KANSL1L: variants seen among roughly 807,000 people sequenced by gnomAD.
KANSL1L encodes the protein KAT8 regulatory NSL complex subunit 1 like.
In KANSL1L, 25 loss-of-function variants were observed where a neutral mutation model predicts 108.6. The ratio of observed to expected loss-of-function variants is 0.23; its 90% CI spans 0.17 to 0.32. The LOEUF (loss-of-function observed/expected upper bound fraction) is 0.32, where lower values mean the gene tolerates loss of function less well. Among genes scored for constraint, KANSL1L ranks in the 10% least tolerant of loss-of-function variants. The probability of loss-of-function intolerance (pLI) is 1.00; values close to 1 mark genes in which losing one functional copy is unlikely to be tolerated. For synonymous variants in KANSL1L, 405 were observed against 395.1 expected, an observed-to-expected ratio of 1.03 and a Z score of -0.30; for missense variants, 1,137 against 1,125.7, an observed-to-expected ratio of 1.01 and a Z score of -0.14.
chr2:210,117,136 G>A (rs2094962310), intron 3 of KANSL1L, among the ~76,000 whole-genome samples: 1 of 152,042 alleles, frequency 6.6e-6, no homozygotes, highest in Non-Finnish European at 1.5e-5. Flanking sequence ...TTAACAGCAG[G>A]ATTAATCAAA....
chr2:210,136,409 T>C (rs1015275894), intron 2 of KANSL1L, among the ~76,000 whole-genome samples: 1 of 152,212 alleles, frequency 6.6e-6, no homozygotes, highest in Non-Finnish European at 1.5e-5. Flanking sequence ...TAGTCTTAAA[T>C]ATGTTTGTAA....
chr2:210,061,024 C>A (rs2094414140), intron 6 of KANSL1L, among the ~76,000 whole-genome samples: 1 of 152,206 alleles, frequency 6.6e-6, no homozygotes, highest in South Asian at 2.1e-4. Context: ...AAATAAAACT[C>A]TGGGCTTTTC....
intron 6 of KANSL1L, among the ~76,000 whole-genome samples, chr2:210,059,195 CCTT>C (rs2094393234): frequency 1.3e-5 from 2 of 151,844 alleles, no homozygotes; most frequent in African/African-American, 4.8e-5. Context: ...GTAACTTCCT[CCTT>C]GTCATATTGG....
chr2:210,165,068 T>C (rs1328781485), intron 1 of KANSL1L, among the ~76,000 whole-genome samples: 2 of 151,716 alleles, frequency 1.3e-5, no homozygotes, highest in Non-Finnish European at 2.9e-5. Flanking sequence ...GGTTTCACCA[T>C]GTTGGCCAGG....
In KANSL1L at chr2:210,085,908, G is replaced by A. The variant is rs368543103; in HGVS notation, c.1551-10152C>T. On this transcript the variant is annotated intron_variant, in intron 5 of 14. Transcript: ENST00000281772. Reference sequence around the variant, plus strand: ...AAAGTAAACTATGTATATATTTATTGTAATTAAATATTTATTAATAATTAT... The same window carrying A: ...AAAGTAAACTATGTATATATTTATTATAATTAAATATTTATTAATAATTAT... Among the ~76,000 whole-genome samples, 58 of 149,418 alleles carry A rather than the reference G, an allele frequency of 3.9e-4. 3 individuals carry two copies. The East Asian group carries it at 0.01, about 26-fold the overall frequency.
chr2:210,127,639 A>T lies in KANSL1L; in HGVS notation c.1230+1392T>A, dbSNP rs115969092. 1.0e-2 allele frequency among the ~76,000 whole-genome samples: 1,514 copies of T among 151,918 alleles called. 11 individuals carry two copies. The highest frequency in any genetic ancestry group is 0.016 in the Non-Finnish European group (1,117 of 67,948). On this transcript the variant is annotated intron_variant, in intron 3 of 14. Transcript: ENST00000281772. Reference sequence around the variant, plus strand: ...TAGAGGGAGATCCCATCTCTACAAAAAATCAAAAACTTAGCCAGGCATGGT... The same window carrying T: ...TAGAGGGAGATCCCATCTCTACAAATAATCAAAAACTTAGCCAGGCATGGT...
chr2:210,111,890 C>G (rs534738281), intron 3 of KANSL1L, among the ~76,000 whole-genome samples: 8 of 138,548 alleles, frequency 5.8e-5, no homozygotes, highest in African/African-American at 1.6e-4. Flanking sequence ...CCCCTCCCCC[C>G]ACCCCACAAC....
intron 3 of KANSL1L, among the ~76,000 whole-genome samples, chr2:210,117,766 TAA>T (rs2094968537): frequency 1.3e-5 from 2 of 152,296 alleles, no homozygotes; most frequent in South Asian, 4.1e-4. Flanking sequence ...CAAAGGATTA[TAA>T]GAGACTATTA....
At chr2:210,091,797 A>C (rs1421566797) in intron 5 of KANSL1L, among the ~76,000 whole-genome samples, 1 of 152,016 alleles carries the variant, frequency 6.6e-6, no homozygotes, top group Admixed American at 6.6e-5. Context: ...TCTTCATCCC[A>C]ATTTTCCATC....
intron 1 of KANSL1L, among the ~76,000 whole-genome samples, chr2:210,158,761 A>T (rs924284454): frequency 3.9e-5 from 6 of 152,000 alleles, no homozygotes; most frequent in Non-Finnish European, 1.5e-5. Context: ...AAAGAAACTA[A>T]TGAAAATAGC....
intron 2 of KANSL1L, among the ~76,000 whole-genome samples, chr2:210,132,785 T>C (rs1362245214): frequency 6.6e-6 from 1 of 152,170 alleles, no homozygotes; most frequent in African/African-American, 2.4e-5. Flanking sequence ...TGTTCTCTTG[T>C]CATATTTGGT....
chr2:210,047,238 A>G (rs982570054), intron 6 of KANSL1L, among the ~76,000 whole-genome samples: 1 of 152,214 alleles, frequency 6.6e-6, no homozygotes, highest in African/African-American at 2.4e-5. Context: ...TACAATATGA[A>G]TAGGCTAAGA....
At chr2:210,151,562 G>A (rs1315903518) in intron 2 of KANSL1L, 4 of 152,052 alleles carry the variant, frequency 2.6e-5, no homozygotes, top group Admixed American at 6.5e-5. Flanking sequence ...AAGAGAATAA[G>A]TATGTGTTTA....
intron 6 of KANSL1L, among the ~76,000 whole-genome samples, chr2:210,054,957 A>G (rs1485659162): frequency 6.6e-6 from 1 of 152,252 alleles, no homozygotes; most frequent in Non-Finnish European, 1.5e-5. Context: ...GTAGAGTACA[A>G]AATCAGTAGT....
intron 5 of KANSL1L, among the ~76,000 whole-genome samples, chr2:210,092,794 C>G (rs1575515178): frequency 6.6e-6 from 1 of 152,196 alleles, no homozygotes; most frequent in Non-Finnish European, 1.5e-5. Flanking sequence ...CAGAGGAAAT[C>G]TGCATTTGCC....
chr2:210,154,374 G>A lies in KANSL1L; in HGVS notation c.209C>T (p.Ser70Phe), dbSNP rs201038662. The A allele has an allele frequency of 5.6e-6, 9 of 1,610,314 alleles. No individual in the cohort carries two copies. The Admixed American group carries it at 1.3e-4, about 24-fold the overall frequency. ...TNFVNLKHFGSPQSSKHYQTV... is the reference protein window; with the variant it reads ...TNFVNLKHFGFPQSSKHYQTV... ...CTGGTAATGTTTTGAAGACTGAGGGGAGCCAAAATGTTTTAAATTCACAAA... is the reference window on the plus strand; with the variant it reads ...CTGGTAATGTTTTGAAGACTGAGGGAAGCCAAAATGTTTTAAATTCACAAA... The change falls in exon 2 of 15, where the codon TCC becomes TTC. Residue 70 changes from serine to phenylalanine, a missense_variant. Ser to Phe is a radical substitution (Grantham distance 155). This residue lies in a region of KANSL1L where 556 missense variants were observed against 537.7 expected (regional missense o/e 1.03). Coordinates refer to ENST00000281772, the MANE Select transcript of KANSL1L (RefSeq NM_152519.4).
intron 2 of KANSL1L, among the ~76,000 whole-genome samples, chr2:210,143,305 T>C (rs900811800): frequency 1.3e-5 from 2 of 152,158 alleles, no homozygotes; most frequent in African/African-American, 4.8e-5. Flanking sequence ...CCATATTTTA[T>C]TCCTTCACTT....
chr2:210,168,732 C>T (rs192869180), intron 1 of KANSL1L, among the ~76,000 whole-genome samples: 1 of 152,074 alleles, frequency 6.6e-6, no homozygotes, highest in African/African-American at 2.4e-5. Flanking sequence ...TGAGGCCTCA[C>T]CTGAATGAAA....
At chr2:210,142,014 T>C (rs2095233735) in intron 2 of KANSL1L, among the ~76,000 whole-genome samples, 1 of 151,736 alleles carries the variant, frequency 6.6e-6, no homozygotes, top group Admixed American at 6.6e-5. Flanking sequence ...TTTTTTCTTA[T>C]AGTGTCCTTC....
Sources: gnomAD v4.1 joint callset for allele counts (sites outside exome capture counted in the v4.1 genomes callset) on GRCh38, gnomAD v4.1.1 for gene constraint, gnomAD v4.1.1 regional missense constraint, MANE v1.5 for transcripts, NCBI Gene and HGNC (gene_info 2026-07-23, HGNC 2026-07-21) for gene names.